The following ANKRD30A variants were observed in gnomAD, a reference collection of about 807,000 sequenced individuals.
The protein encoded by ANKRD30A is ankyrin repeat domain-containing protein 30A.
In ANKRD30A, 170 loss-of-function variants were observed where a neutral mutation model predicts 166.3. That is an observed-to-expected ratio of 1.02 (90% CI 0.90 to 1.16). ANKRD30A has a LOEUF of 1.16. ANKRD30A is among the 50% of genes most tolerant of loss of function. The pLI, the probability that ANKRD30A is intolerant of heterozygous loss-of-function variation, is 0.00. For missense variants in ANKRD30A, 1,630 were observed against 1,518.0 expected (o/e 1.07, Z -1.23); for synonymous variants, 564 against 508.9 (o/e 1.11, Z -1.46).
chr10:37,189,809 G>A lies in ANKRD30A; in HGVS notation c.2512+252G>A, dbSNP rs377066822. 2.0e-4 allele frequency among the ~76,000 whole-genome samples: 30 copies of A among 151,016 alleles called. No homozygotes were observed. In the East Asian group the frequency reaches 4.3e-3, roughly 22 times the overall value. ...AGACGTGAGGAAAATGAGAAAATAA[G>A]AAAGAAGAAAGTAGTAATAGAGTAA... On this transcript the variant is annotated intron_variant, in intron 25 of 35. Transcript: ENST00000361713.
the ANKRD30A span, chr10:37,261,836 A>G: frequency 2.0e-5 from 3 of 152,870 alleles, no homozygotes; most frequent in Non-Finnish European, 4.4e-5. Context: ...GGATCTAGGA[A>G]GTTAGCAGTA....
intron 27 of ANKRD30A, among the ~76,000 whole-genome samples, chr10:37,196,613 G>T (rs1176025702): frequency 6.6e-6 from 1 of 152,028 alleles, no homozygotes; most frequent in Non-Finnish European, 1.5e-5. Context: ...TTCATCTATT[G>T]CAATAAATTT....
At chr10:37,147,736 A>G (rs535808332) in intron 9 of ANKRD30A, among the ~76,000 whole-genome samples, 42 of 150,086 alleles carry the variant, frequency 2.8e-4, no homozygotes, top group African/African-American at 8.8e-4. Flanking sequence ...AAAGGGAATG[A>G]AGACTAAAGA....
chr10:37,224,072 A>G (rs756085465), intron 34 of ANKRD30A, among the ~76,000 whole-genome samples: 2 of 151,348 alleles, frequency 1.3e-5, no homozygotes, highest in Non-Finnish European at 3.0e-5. Context: ...TTTCAGAGTC[A>G]CAGCACAAAC....
At chr10:37,153,055 A>G (rs2132562970) in intron 12 of ANKRD30A, among the ~76,000 whole-genome samples, 1 of 152,234 alleles carries the variant, frequency 6.6e-6, no homozygotes, top group South Asian at 2.1e-4. Context: ...TGTTTACCGA[A>G]AGGAAGCAGC....
At chr10:37,145,359 CCCAGCTACTGAGGAGG>C (rs1218325415) in intron 8 of ANKRD30A, among the ~76,000 whole-genome samples, 2 of 152,030 alleles carry the variant, frequency 1.3e-5, no homozygotes, top group African/African-American at 4.8e-5. Flanking sequence ...CCCCTGTAAT[CCCAGCTACTGAGGAGG>C]CTGAGGCAGG....
At position 37,142,005 on chromosome 10, in the gene ANKRD30A, G is replaced by A. The variant is rs1241044123; in HGVS notation, c.1108G>A (p.Glu370Lys). 1 of 1,613,986 alleles carries A rather than the reference G, an allele frequency of 6.2e-7. No homozygotes were observed. The highest frequency in any genetic ancestry group is 8.5e-7 in the Non-Finnish European group (1 of 1,179,994). The change falls in exon 7 of 36, where the codon GAG becomes AAG. Residue 370 changes from glutamate to lysine, a missense_variant. By Grantham distance (56) the Glu-to-Lys change is moderately conservative (BLOSUM62 1). This residue lies in a region of ANKRD30A where 904 missense variants were observed against 818.5 expected (regional missense o/e 1.10). Coordinates refer to ENST00000361713, the MANE Select transcript of ANKRD30A (RefSeq NM_052997.3). ...EITSPAKETS[E>K]KFTWPAKGRP... ...TACGAGTCCTGCAAAAGAAACATCT[G>A]AGAAATTTACGTGGCCAGCAAAAGG...
chr10:37,205,385 T>G (rs918199851), intron 31 of ANKRD30A, among the ~76,000 whole-genome samples: 49 of 135,172 alleles, frequency 3.6e-4, no homozygotes, highest in African/African-American at 1.3e-3. Flanking sequence ...CACCCATAGG[T>G]GGGAATTGAA....
the ANKRD30A span, among the ~76,000 whole-genome samples, chr10:37,242,788 G>GC: frequency 3.3e-5 from 5 of 152,134 alleles, no homozygotes; most frequent in African/African-American, 1.2e-4. Context: ...GAGATGATTG[G>GC]CATCACATGG....
At chr10:37,258,436 TAAAG>T in the ANKRD30A span, among the ~76,000 whole-genome samples, 3 of 151,994 alleles carry the variant, frequency 2.0e-5, no homozygotes, top group Non-Finnish European at 4.4e-5. Context: ...GACATACAAA[TAAAG>T]AAACCAGAAA....
intron 34 of ANKRD30A, among the ~76,000 whole-genome samples, chr10:37,225,615 G>A (rs1296650347): frequency 6.6e-6 from 1 of 151,748 alleles, no homozygotes; most frequent in African/African-American, 2.4e-5. Flanking sequence ...CAGTGAAAGA[G>A]ATTTTTAAAA....
At chr10:37,205,139 C>T (rs1196178880) in intron 31 of ANKRD30A, among the ~76,000 whole-genome samples, 1 of 152,120 alleles carries the variant, frequency 6.6e-6, no homozygotes, top group Non-Finnish European at 1.5e-5. Context: ...ACTGTAAAGA[C>T]ACATGCACAC....
chr10:37,158,233 A>T (rs929568991), intron 13 of ANKRD30A, among the ~76,000 whole-genome samples, 159 bp from the exon 14 acceptor site: 2 of 152,152 alleles, frequency 1.3e-5, no homozygotes, highest in African/African-American at 4.8e-5. Context: ...TCACGTTGGC[A>T]TGATAACAAA....
intron 29 of ANKRD30A, among the ~76,000 whole-genome samples, chr10:37,198,942 T>A (rs1841389392): frequency 6.6e-6 from 1 of 152,118 alleles, no homozygotes; most frequent in Non-Finnish European, 1.5e-5. Context: ...TTCTGTCTCA[T>A]GTTCCTGAGA....
At chr10:37,161,272 A>G (rs1213849368) in intron 15 of ANKRD30A, among the ~76,000 whole-genome samples, 5 of 152,158 alleles carry the variant, frequency 3.3e-5, no homozygotes, top group Non-Finnish European at 7.4e-5. Context: ...AGGAGAATGC[A>G]TTATATTGCT....
chr10:37,221,044 ATTTTTTT>A (rs35150938), intron 34 of ANKRD30A, among the ~76,000 whole-genome samples: 1 of 131,012 alleles, frequency 7.6e-6, no homozygotes, highest in African/African-American at 2.8e-5. Flanking sequence ...TCCTTCCCAC[ATTTTTTT>A]TTTTTTTTTT....
intron 6 of ANKRD30A, among the ~76,000 whole-genome samples, chr10:37,137,881 C>T (rs903844585): frequency 5.3e-5 from 8 of 152,126 alleles, no homozygotes; most frequent in Non-Finnish European, 7.3e-5. Context: ...TAGTGGTTCT[C>T]GCAGCACCCA....
chr10:37,165,864 T>G (rs1588848690), intron 18 of ANKRD30A, among the ~76,000 whole-genome samples: 3 of 152,220 alleles, frequency 2.0e-5, no homozygotes, highest in South Asian at 4.2e-4. Context: ...TCTGACCTCT[T>G]AGAAACAAGC....
the ANKRD30A span, chr10:37,264,656 A>G: frequency 8.0e-6 from 2 of 251,164 alleles, no homozygotes; most frequent in East Asian, 8.4e-5. Flanking sequence ...GCCAGATTGG[A>G]AGTTTGCCTT....
Sources: allele counts gnomAD v4.1 joint callset (sites outside exome capture counted in the v4.1 genomes callset), GRCh38; gene constraint gnomAD v4.1.1; regional missense constraint gnomAD v4.1.1; transcripts MANE v1.5; gene names NCBI Gene and HGNC (gene_info 2026-07-23, HGNC 2026-07-21).